The following TMEM132D variants were observed in gnomAD, a reference collection of about 807,000 sequenced individuals.
TMEM132D encodes transmembrane protein 132D.
TMEM132D carries 21 observed loss-of-function variants against 62.3 expected under a neutral mutation model. That is an observed-to-expected ratio of 0.34 (90% CI 0.24 to 0.49). The LOEUF (loss-of-function observed/expected upper bound fraction) is 0.49. Ranked by LOEUF, TMEM132D falls within the 20% of genes least tolerant of loss-of-function variation. The pLI, the probability that TMEM132D is intolerant of heterozygous loss-of-function variation, is 0.99. For synonymous variants in TMEM132D, 621 were observed against 575.6 expected (o/e 1.08, Z -1.13); for missense variants, 1,346 against 1,402.8 (o/e 0.96, Z 0.65).
intron 5 of TMEM132D, among the ~76,000 whole-genome samples, chr12:129,105,663 A>G (rs1390806125): frequency 6.6e-6 from 1 of 151,098 alleles, no homozygotes; most frequent in African/African-American, 2.5e-5. Context: ...AACACATGAA[A>G]AAATTCTCAC....
chr12:129,099,728 C>G (rs1267469056), intron 5 of TMEM132D, among the ~76,000 whole-genome samples: 1 of 152,254 alleles, frequency 6.6e-6, no homozygotes, highest in Non-Finnish European at 1.5e-5. Context: ...ATGTTCAGTC[C>G]CACCTTGGCA....
intron 1 of TMEM132D, among the ~76,000 whole-genome samples, chr12:129,732,820 C>CCCA (rs1372633571): frequency 6.6e-6 from 1 of 152,168 alleles, no homozygotes; most frequent in Non-Finnish European, 1.5e-5. Context: ...TGGGGCCAGG[C>CCCA]CCACACCCAG....
At chr12:129,757,397 T>G (rs1004750946) in intron 1 of TMEM132D, among the ~76,000 whole-genome samples, 9 of 152,174 alleles carry the variant, frequency 5.9e-5, no homozygotes, top group African/African-American at 2.2e-4. Flanking sequence ...TTTTTCTGAC[T>G]GCGTATCTGT....
intron 3 of TMEM132D, among the ~76,000 whole-genome samples, chr12:129,463,496 TAA>T (rs927417647): frequency 2.2e-4 from 33 of 149,008 alleles, no homozygotes; most frequent in African/African-American, 8.2e-4. Context: ...TATTATACTT[TAA>T]GTTTTAGGGT....
intron 3 of TMEM132D, among the ~76,000 whole-genome samples, chr12:129,460,724 G>C (rs1205375484): frequency 1.3e-5 from 2 of 152,206 alleles, no homozygotes; most frequent in Non-Finnish European, 1.5e-5. Flanking sequence ...TCTGAAGACA[G>C]AGTGCTATAT....
chr12:129,245,424 G>T (rs1301016099), intron 4 of TMEM132D, among the ~76,000 whole-genome samples: 1 of 151,846 alleles, frequency 6.6e-6, no homozygotes, highest in Admixed American at 6.6e-5. Context: ...TTATTCCATT[G>T]TATGTATGTA....
intron 1 of TMEM132D, among the ~76,000 whole-genome samples, chr12:129,707,632 A>G (rs78648463): frequency 0.011 from 1,683 of 152,272 alleles, 25 homozygotes; most frequent in East Asian, 0.075. Flanking sequence ...GAAACAGTTG[A>G]CTCATATGTG....
At chr12:129,207,207 G>A (rs895149499) in intron 5 of TMEM132D, among the ~76,000 whole-genome samples, 4 of 152,004 alleles carry the variant, frequency 2.6e-5, no homozygotes, top group African/African-American at 4.8e-5. Context: ...AAACAGCACC[G>A]CCCTCACGGA....
intron 2 of TMEM132D, among the ~76,000 whole-genome samples, chr12:129,654,370 T>C (rs547803556): frequency 1.1e-4 from 15 of 142,064 alleles, no homozygotes; most frequent in African/African-American, 3.5e-4. Flanking sequence ...CTAAGAAACT[T>C]TGGTACAGGT....
At chr12:129,687,389 T>C (rs990392108) in intron 2 of TMEM132D, among the ~76,000 whole-genome samples, 1 of 152,034 alleles carries the variant, frequency 6.6e-6, no homozygotes, top group Non-Finnish European at 1.5e-5. Context: ...ACATCTGTCA[T>C]GTTTTAGTCA....
At chr12:129,585,744 A>T (rs1354456769) in intron 2 of TMEM132D, among the ~76,000 whole-genome samples, 2 of 152,186 alleles carry the variant, frequency 1.3e-5, no homozygotes, top group Non-Finnish European at 2.9e-5. Flanking sequence ...ATATAAAAAG[A>T]TTGATATTTC....
intron 3 of TMEM132D, among the ~76,000 whole-genome samples, chr12:129,524,972 C>A (rs1875976132): frequency 1.8e-5 from 2 of 109,688 alleles, no homozygotes; most frequent in Non-Finnish European, 3.4e-5. Context: ...TGTCGCCAGG[C>A]TGGAGTGCAG....
intron 3 of TMEM132D, among the ~76,000 whole-genome samples, chr12:129,363,618 T>G (rs796742312): frequency 2.0e-5 from 3 of 152,314 alleles, no homozygotes; most frequent in African/African-American, 7.2e-5. Context: ...AAAGAGATGA[T>G]TCTGTTTCTT....
At chr12:129,882,784 G>T (rs533296104) in intron 1 of TMEM132D, among the ~76,000 whole-genome samples, 1 of 152,224 alleles carries the variant, frequency 6.6e-6, no homozygotes, top group Non-Finnish European at 1.5e-5. Flanking sequence ...AGATGATCAT[G>T]GCAATTGGTG....
chr12:129,684,695 C>A (rs1880864711), intron 2 of TMEM132D, among the ~76,000 whole-genome samples: 1 of 152,012 alleles, frequency 6.6e-6, no homozygotes, highest in Non-Finnish European at 1.5e-5. Context: ...AGTTGGAGGG[C>A]TCAGAAGACA....
intron 1 of TMEM132D, among the ~76,000 whole-genome samples, chr12:129,881,200 T>A (rs1342592321): frequency 6.6e-6 from 1 of 152,002 alleles, no homozygotes; most frequent in Non-Finnish European, 1.5e-5. Context: ...AACTTCAAAA[T>A]ACATTCAGCC....
At chr12:129,178,984 C>G (rs959093073) in intron 5 of TMEM132D, among the ~76,000 whole-genome samples, 1 of 152,198 alleles carries the variant, frequency 6.6e-6, no homozygotes, top group East Asian at 1.9e-4. Flanking sequence ...ATGGCCCAAG[C>G]TAGGCTTCTT....
At chr12:129,387,848 A>G (rs1200541111) in intron 3 of TMEM132D, among the ~76,000 whole-genome samples, 28 of 118,710 alleles carry the variant, frequency 2.4e-4, no homozygotes, top group Non-Finnish European at 4.7e-4. Context: ...CGACATCAAT[A>G]CTAACACCAA....
chr12:129,138,650 G>A (rs1876653822), intron 5 of TMEM132D, among the ~76,000 whole-genome samples: 1 of 152,162 alleles, frequency 6.6e-6, no homozygotes, highest in Admixed American at 6.5e-5. Context: ...GAACCCGGGA[G>A]GCAAAGGTTG....
Sources: allele counts gnomAD v4.1 joint callset (sites outside exome capture counted in the v4.1 genomes callset), GRCh38; gene constraint gnomAD v4.1.1; transcripts MANE v1.5; gene names NCBI Gene and HGNC (gene_info 2026-07-23, HGNC 2026-07-21).